Variants in CCDC60 observed in about 807,000 individuals in gnomAD.
CCDC60 encodes coiled-coil domain containing 60, also known as coiled-coil domain-containing protein 60.
A neutral mutation model predicts 63.5 loss-of-function variants in CCDC60; 54 were observed. That is an observed-to-expected ratio of 0.85 (90% confidence interval 0.68 to 1.07). CCDC60 has a LOEUF of 1.07. CCDC60 is among the 50% of genes least tolerant of loss of function. The pLI is 0.00. For synonymous variants in CCDC60, 206 were observed against 238.8 expected (o/e 0.86, Z 1.27); for missense variants, 651 against 684.3 (o/e 0.95, Z 0.54).
intron 1 of CCDC60, among the ~76,000 whole-genome samples, chr12:119,414,165 C>T (rs1219625496): frequency 6.6e-6 from 1 of 152,026 alleles, no homozygotes; most frequent in Non-Finnish European, 1.5e-5. Flanking sequence ...ATTACAGGCA[C>T]GCACCACCAC....
At position 119,415,322 on chromosome 12, in the gene CCDC60, G is replaced by A. The variant is rs565694895; in HGVS notation, c.91-13361G>A. ...AGCACAAAAGCATCCTAGGAAAAAA[G>A]GGCAGCAGGTGCAAAGACCCTGTGA... On this transcript the variant is annotated intron_variant, in intron 1 of 13. Transcript: ENST00000327554. 9.2e-5 allele frequency among the ~76,000 whole-genome samples: 14 copies of A among 152,318 alleles called. No individual in the cohort carries two copies. The East Asian group carries it at 2.5e-3, about 27-fold the overall frequency.
intron 1 of CCDC60, among the ~76,000 whole-genome samples, chr12:119,419,558 C>G (rs1485857093): frequency 6.6e-6 from 1 of 152,216 alleles, no homozygotes; most frequent in Non-Finnish European, 1.5e-5. Context: ...TGTAACGAAT[C>G]ATTAACCTGT....
At position 119,488,812 on chromosome 12, in the gene CCDC60, C is replaced by A. The variant is rs144100581; in HGVS notation, c.503C>A (p.Thr168Asn). Reference sequence around the variant, plus strand: ...CTCCACTGGCTTCTGGAGGCCCTGACTATTGACCACACCCACCACACCATG... The same window carrying A: ...CTCCACTGGCTTCTGGAGGCCCTGAATATTGACCACACCCACCACACCATG... ...CALHWLLEAL[T>N]IDHTHHTMKP... is the part of the protein sequence containing the mutation. The change falls in exon 5 of 14, where the codon ACT (threonine) becomes AAT (asparagine). Residue 168 changes from threonine (T) to asparagine (N), a missense_variant. Physicochemically the swap from Thr to Asn is moderately conservative, Grantham distance 65. Transcript: ENST00000327554. 1 of 1,614,196 alleles carries A rather than the reference C, an allele frequency of 6.2e-7. No homozygotes were observed. The highest frequency in any genetic ancestry group is 8.5e-7 in the Non-Finnish European group (1 of 1,180,040).
chr12:119,450,877 A>C (rs1175510960), intron 2 of CCDC60, among the ~76,000 whole-genome samples: 1 of 148,840 alleles, frequency 6.7e-6, no homozygotes, highest in Non-Finnish European at 1.5e-5. Context: ...AAAGAGAGAG[A>C]GAGAGAGAGA....
chr12:119,462,535 T>C (rs1950874562), intron 2 of CCDC60, among the ~76,000 whole-genome samples: 1 of 152,198 alleles, frequency 6.6e-6, no homozygotes, highest in Non-Finnish European at 1.5e-5. Flanking sequence ...CTAATTCTTT[T>C]TAGAATGAGA....
At chr12:119,419,082 T>C (rs1362911803) in intron 1 of CCDC60, among the ~76,000 whole-genome samples, 3 of 152,206 alleles carry the variant, frequency 2.0e-5, no homozygotes, top group African/African-American at 7.2e-5. Flanking sequence ...TTGGGCTCAA[T>C]CAAGCAATCT....
Position 119,335,090 on chromosome 12 carries a change from C to T in CCDC60, c.-87C>T. 9.0e-7 allele frequency: 1 copy of T among 1,107,106 alleles called. No homozygotes were observed. The highest frequency in any genetic ancestry group is 2.1e-4 in the Middle Eastern group (1 of 4,832). The allele number at this position is 1,107,106 out of a possible 1,614,324, so 68.6% of individuals were successfully genotyped here. On this transcript the variant is annotated 5_prime_UTR_variant, in exon 1 of 14. Transcript: ENST00000327554. Reference sequence around the variant, plus strand: ...GGGGATCAGGGAGAAGTTGCCGAAACTTCTCATACCAGTAACTACTGAAGT... The same window carrying T: ...GGGGATCAGGGAGAAGTTGCCGAAATTTCTCATACCAGTAACTACTGAAGT...
At chr12:119,341,316 C>T (rs769624156) in intron 1 of CCDC60, among the ~76,000 whole-genome samples, 7 of 141,540 alleles carry the variant, frequency 4.9e-5, no homozygotes, top group Admixed American at 2.1e-4. Flanking sequence ...CTATTTGTCC[C>T]ATCTGCAAGG....
intron 2 of CCDC60, among the ~76,000 whole-genome samples, chr12:119,455,439 C>G (rs1314673264): frequency 6.6e-6 from 1 of 152,096 alleles, no homozygotes. Flanking sequence ...CTTGACCTAG[C>G]CTGGAACTGA....
chr12:119,515,292 T>A (rs1187504748), intron 7 of CCDC60, among the ~76,000 whole-genome samples: 1 of 152,182 alleles, frequency 6.6e-6, no homozygotes, highest in Non-Finnish European at 1.5e-5. Flanking sequence ...CAGGTATGAA[T>A]AAATATTTCC....
Position 119,488,746 on chromosome 12 carries a change from T to C in CCDC60, c.450-13T>C. On this transcript the variant is annotated splice_polypyrimidine_tract_variant and intron_variant, in intron 4 of 13. Coordinates refer to ENST00000327554, the MANE Select transcript of CCDC60 (RefSeq NM_178499.5). ...ACAGGATCCCACTGTGTTCCCTCTCTCTGTCTTTGCAGCGAGCCCCTCTTC... is the reference window on the plus strand; with the variant it reads ...ACAGGATCCCACTGTGTTCCCTCTCCCTGTCTTTGCAGCGAGCCCCTCTTC... 6.2e-7 allele frequency: 1 copy of C among 1,612,622 alleles called. No individual in the cohort carries two copies. The highest frequency in any genetic ancestry group is 8.5e-7 in the Non-Finnish European group (1 of 1,178,604).
At chr12:119,474,514 A>AGCAGATTG (rs1475431954) in intron 3 of CCDC60, among the ~76,000 whole-genome samples, 2 of 152,266 alleles carry the variant, frequency 1.3e-5, no homozygotes, top group East Asian at 3.9e-4. Context: ...CTAAACAGAG[A>AGCAGATTG]GCAGATTGTT....
chr12:119,336,127 G>A (rs1195432850), intron 1 of CCDC60, among the ~76,000 whole-genome samples: 5 of 150,416 alleles, frequency 3.3e-5, no homozygotes, highest in Non-Finnish European at 7.4e-5. Context: ...ATAGCTTTGG[G>A]AGATATACCT....
At chr12:119,439,168 AAAAAAAG>A (rs1950388315) in intron 2 of CCDC60, among the ~76,000 whole-genome samples, 1 of 151,546 alleles carries the variant, frequency 6.6e-6, no homozygotes, top group African/African-American at 2.4e-5. Context: ...AAAAAAAAAA[AAAAAAAG>A]AGTTAGCTCA....
At chr12:119,427,051 C>T (rs1326988366) in intron 1 of CCDC60, among the ~76,000 whole-genome samples, 1 of 152,234 alleles carries the variant, frequency 6.6e-6, no homozygotes, top group Non-Finnish European at 1.5e-5. Context: ...CTTCAAAAAA[C>T]ACTCTCAGTA....
At chr12:119,504,104 AT>A (rs1001135928) in intron 6 of CCDC60, among the ~76,000 whole-genome samples, 39 of 152,250 alleles carry the variant, frequency 2.6e-4, no homozygotes, top group African/African-American at 8.7e-4. Context: ...GATAAAGGGC[AT>A]TTTCGATGTC....
chr12:119,506,262 A>G (rs1470282778), intron 7 of CCDC60, among the ~76,000 whole-genome samples: 2 of 152,008 alleles, frequency 1.3e-5, no homozygotes, highest in African/African-American at 4.8e-5. Context: ...TCACCCTGAA[A>G]AAGTCTTTTC....
chr12:119,437,432 G>C lies in CCDC60; in HGVS notation c.170+8670G>C, dbSNP rs762284848. Among the ~76,000 whole-genome samples, 63 of 152,252 alleles carry C rather than the reference G, an allele frequency of 4.1e-4. 1 individual carries two copies. The highest frequency in any genetic ancestry group is 3.5e-3 in the Admixed American group (54 of 15,294). On this transcript the variant is annotated intron_variant, in intron 2 of 13. Transcript: ENST00000327554. ...ACCATGGAGTAGAATGGTTACATGG[G>C]ATTTAATTTCTTTGTCATCTCCAAA...
chr12:119,473,301 GT>G (rs1160545055), intron 3 of CCDC60, among the ~76,000 whole-genome samples: 1 of 152,200 alleles, frequency 6.6e-6, no homozygotes, highest in Admixed American at 6.5e-5. Flanking sequence ...GAAATGCAGG[GT>G]AGAAAAATGG....
Sources: allele counts gnomAD v4.1 joint callset (sites outside exome capture counted in the v4.1 genomes callset), GRCh38; gene constraint gnomAD v4.1.1; transcripts MANE v1.5; gene names NCBI Gene and HGNC (gene_info 2026-07-23, HGNC 2026-07-21).